Variants in CGAS observed in about 807,000 individuals in gnomAD.
CGAS encodes cyclic GMP-AMP synthase, also known as 2'3'-cGAMP synthase.
CGAS carries 31 observed loss-of-function variants against 34.0 expected under a neutral mutation model. The observed-to-expected ratio is 0.91, with a 90% CI of 0.69 to 1.23. The LOEUF is 1.23. Among genes scored for constraint, CGAS ranks in the 50% most tolerant of loss-of-function variants. CGAS has a pLI of 0.00. For synonymous variants in CGAS, 266 were observed against 260.0 expected, an observed-to-expected ratio of 1.02 and a Z score of -0.22; for missense variants, 597 against 657.6, an observed-to-expected ratio of 0.91 and a Z score of 1.01.
Position 73,452,197 on chromosome 6 carries a change from T to C in CGAS, c.-16A>G, listed in dbSNP as rs1770588432. ...AAGGCTGCATGGCTGGCGCTTTCTG[T>C]TCCCCGAAAGAAGAATCCGTTTCAG... On this transcript the variant is annotated 5_prime_UTR_variant, in exon 1 of 5. Coordinates refer to ENST00000370315, the MANE Select transcript of CGAS (RefSeq NM_138441.3). 1 of 1,585,250 alleles carries C rather than the reference T, an allele frequency of 6.3e-7. No homozygotes were observed. Among genetic ancestry groups the C allele is most frequent in the Non-Finnish European group, 8.6e-7 (1 of 1,169,296 alleles).
intron 4 of CGAS, among the ~76,000 whole-genome samples, chr6:73,426,679 AAATTTAATAT>A (rs1770094766): frequency 6.6e-6 from 1 of 151,984 alleles, no homozygotes; most frequent in African/African-American, 2.4e-5. Flanking sequence ...ATTGAACTGC[AAATTTAATAT>A]AAATTTTTTC....
chr6:73,442,660 G>A (rs948650926), intron 2 of CGAS, among the ~76,000 whole-genome samples: 1 of 144,512 alleles, frequency 6.9e-6, no homozygotes, highest in Non-Finnish European at 1.5e-5. Context: ...GTGCAGTGGC[G>A]CAATCTCAGC....
chr6:73,432,627 T>C (rs550996318), intron 3 of CGAS, among the ~76,000 whole-genome samples: 83 of 152,134 alleles, frequency 5.5e-4, no homozygotes, highest in Non-Finnish European at 9.3e-4. Context: ...CCAGCTAATT[T>C]ATTTTGTATT....
At chr6:73,451,133 G>A (rs981246568) in intron 1 of CGAS, among the ~76,000 whole-genome samples, 1 of 152,102 alleles carries the variant, frequency 6.6e-6, no homozygotes, top group African/African-American at 2.4e-5. Flanking sequence ...TTCCTCATAG[G>A]AAAAAGTCTA....
In CGAS at chr6:73,452,279, C is replaced by T. The variant is rs1007361672; in HGVS notation, c.-98G>A. The T allele has an allele frequency of 7.3e-6, 10 of 1,376,242 alleles. No homozygotes were observed. Among genetic ancestry groups the T allele is most frequent in the Non-Finnish European group, 9.5e-6 (10 of 1,050,756 alleles). 85.3% of individuals were successfully genotyped at this position (1,376,242 alleles called of 1,614,324 possible). ...GCTGTTGGAAACCAAGCACTACTGG[C>T]GGGCACACAAGAGTCTGCGACCCGA... is the stretch of plus-strand genomic sequence containing the variant. On this transcript the variant is annotated 5_prime_UTR_variant, in exon 1 of 5. Coordinates refer to ENST00000370315, the MANE Select transcript of CGAS (RefSeq NM_138441.3).
At chr6:73,445,233 ATAATTTAATCATT>A (rs1370812937) in intron 2 of CGAS, among the ~76,000 whole-genome samples, 1 of 151,944 alleles carries the variant, frequency 6.6e-6, no homozygotes, top group Non-Finnish European at 1.5e-5. Flanking sequence ...ATTATTTCAT[ATAATTTAATCATT>A]TAATTTAATC....
At chr6:73,430,179 A>T (rs1029911052) in intron 3 of CGAS, among the ~76,000 whole-genome samples, 3 of 152,156 alleles carry the variant, frequency 2.0e-5, no homozygotes, top group Non-Finnish European at 4.4e-5. Context: ...GAAATCAGAA[A>T]GAAGGCAAAA....
intron 4 of CGAS, among the ~76,000 whole-genome samples, chr6:73,427,932 C>G (rs546722294): frequency 6.6e-6 from 1 of 152,104 alleles, no homozygotes; most frequent in Non-Finnish European, 1.5e-5. Flanking sequence ...CCTACCTCAG[C>G]CTTCCAAGTA....
intron 3 of CGAS, among the ~76,000 whole-genome samples, chr6:73,435,336 T>C (rs1401961921): frequency 6.6e-6 from 1 of 152,220 alleles, no homozygotes; most frequent in African/African-American, 2.4e-5. Context: ...CTGGCAAGAA[T>C]TTCAATTGGC....
chr6:73,428,892 G>T, intron 3 of CGAS, 81 bp from the exon 4 acceptor site: 2 of 1,268,758 alleles, frequency 1.6e-6, no homozygotes, highest in Non-Finnish European at 2.2e-6. Context: ...TTTCCCTCAT[G>T]AAAATATCCT....
chr6:73,432,707 C>T (rs1054112036), intron 3 of CGAS, among the ~76,000 whole-genome samples: 33 of 152,194 alleles, frequency 2.2e-4, no homozygotes, highest in African/African-American at 8.0e-4. Context: ...CCACCCACCT[C>T]AGCCTCCCAA....
chr6:73,448,615 A>G (rs1295497335), intron 1 of CGAS, among the ~76,000 whole-genome samples: 1 of 152,080 alleles, frequency 6.6e-6, no homozygotes, highest in East Asian at 1.9e-4. Flanking sequence ...AGTCCCAGGT[A>G]GCTGGGACTA....
chr6:73,449,893 G>A (rs1016655373), intron 1 of CGAS, among the ~76,000 whole-genome samples: 4 of 152,008 alleles, frequency 2.6e-5, no homozygotes, highest in African/African-American at 7.2e-5. Context: ...TATTTGGAAG[G>A]CTGAAGCAGG....
At position 73,451,762 on chromosome 6, in the gene CGAS, G is replaced by T. The variant is rs1319608405; in HGVS notation, c.420C>A (p.Asp140Glu). The T allele has an allele frequency of 3.7e-6, 6 of 1,606,140 alleles. No individual in the cohort carries two copies. Among genetic ancestry groups the T allele is most frequent in the Admixed American group, 3.4e-5 (2 of 58,908 alleles). Residue 140 changes from aspartate (D) to glutamate (E), a missense_variant, in exon 1 of 5, where the codon GAC becomes GAA. Asp to Glu is a conservative substitution (Grantham distance 45). This residue lies in a region of CGAS where 321 missense variants were observed against 314.3 expected (regional missense o/e 1.02). Coordinates refer to ENST00000370315, the MANE Select transcript of CGAS (RefSeq NM_138441.3). ...AGACCGGCAGGCCGGGGCTGGGCACGTCCCAGGGCCCGGGCGGAGGTCTTG... is the reference window on the plus strand; with the variant it reads ...AGACCGGCAGGCCGGGGCTGGGCACTTCCCAGGGCCCGGGCGGAGGTCTTG... ...TKPRPPPGPWDVPSPGLPVSA... is the reference protein window; with the variant it reads ...TKPRPPPGPWEVPSPGLPVSA...
intron 3 of CGAS, 39 bp from the exon 4 acceptor site, chr6:73,428,850 A>G (rs1357007672): frequency 1.3e-6 from 2 of 1,541,866 alleles, no homozygotes; most frequent in Non-Finnish European, 1.8e-6. Context: ...CACTTTACCC[A>G]AAGCATCCAT....
At position 73,425,263 on chromosome 6, in the gene CGAS, T is replaced by G; in HGVS notation, c.1533A>C (p.Glu511Asp). 1.3e-6 allele frequency: 2 copies of G among 1,594,214 alleles called. No homozygotes were observed. The highest frequency in any genetic ancestry group is 1.7e-6 in the Non-Finnish European group (2 of 1,172,176). The change falls in exon 5 of 5, where the codon GAA becomes GAC. Residue 511 changes from glutamate (E) to aspartate (D), a missense_variant. This residue lies in a region of CGAS where 271 missense variants were observed against 324.1 expected (regional missense o/e 0.84). Coordinates refer to ENST00000370315, the MANE Select transcript of CGAS (RefSeq NM_138441.3). ...KEFLTKQIEY[E>D]RNNEFPVFDE... ...CAAAAACTGGAAACTCATTGTTTCTTTCATATTCAATTTGCTTTGTCAGAA... is the reference window on the plus strand; with the variant it reads ...CAAAAACTGGAAACTCATTGTTTCTGTCATATTCAATTTGCTTTGTCAGAA...
intron 2 of CGAS, among the ~76,000 whole-genome samples, chr6:73,441,247 C>A (rs946849700): frequency 1.3e-5 from 2 of 151,720 alleles, no homozygotes; most frequent in African/African-American, 2.4e-5. Context: ...TGCCACTGTG[C>A]CTGGTTAAAT....
At chr6:73,448,002 T>A (rs998604757) in intron 1 of CGAS, among the ~76,000 whole-genome samples, 1 of 152,228 alleles carries the variant, frequency 6.6e-6, no homozygotes, top group African/African-American at 2.4e-5. Flanking sequence ...TCCTTTACGT[T>A]CTTTTTGTTG....
Position 73,445,579 on chromosome 6 carries a change from T to C in CGAS, c.826A>G (p.Met276Val). The C allele has an allele frequency of 6.2e-7, 1 of 1,610,014 alleles. No individual in the cohort carries two copies. Residue 276 changes from methionine (M) to valine (V), a missense_variant, in exon 2 of 5, where the codon ATG becomes GTG. Physicochemically the swap from Met to Val is conservative, Grantham distance 21 (BLOSUM62 1). Transcript: ENST00000370315. ...ATGATTTTCCTAAACTTTGACAGCA[T>C]CTTAGAAGCTGATAATATTTCACCT... is the stretch of plus-strand genomic sequence containing the variant. ...LEGEILSASKMLSKFRKIIKE... is the reference protein window; with the variant it reads ...LEGEILSASKVLSKFRKIIKE...
Sources: allele counts gnomAD v4.1 joint callset (sites outside exome capture counted in the v4.1 genomes callset), GRCh38; gene constraint gnomAD v4.1.1; regional missense constraint gnomAD v4.1.1; transcripts MANE v1.5; gene names NCBI Gene and HGNC (gene_info 2026-07-23, HGNC 2026-07-21).